Variants in MAPK8IP3 observed in about 807,000 individuals in gnomAD.
MAPK8IP3 encodes the protein mitogen-activated protein kinase 8 interacting protein 3.
Under a neutral mutation model 157.8 loss-of-function variants are expected in MAPK8IP3, and 49 were observed. That is an observed-to-expected ratio of 0.31 (90% confidence interval 0.25 to 0.39). The LOEUF is 0.39. Among genes scored for constraint, MAPK8IP3 ranks in the 10% least tolerant of loss-of-function variants. The pLI is 1.00. For synonymous variants in MAPK8IP3, 897 were observed against 777.7 expected (o/e 1.15, Z -2.55); for missense variants, 1,478 against 1,889.4 (o/e 0.78, Z 4.04).
intron 4 of MAPK8IP3, among the ~76,000 whole-genome samples, chr16:1,731,092 A>G (rs1027088599): frequency 9.9e-5 from 15 of 152,188 alleles, no homozygotes; most frequent in African/African-American, 3.6e-4. Context: ...GTGAGCTGAG[A>G]TCACGCCACA....
Position 1,729,495 on chromosome 16 carries a change from G to A in MAPK8IP3, c.519G>A (p.Gln173=). Residue 173 remains glutamine (Q), a synonymous_variant, in exon 4 of 32, where the codon CAG becomes CAA. Transcript: ENST00000610761. ...CGTTTCCCTCCTCGCAGATGATACA[G>A]ACCTACGTGGAGCACATTGAGAGGT... ...ALHQRHTEMI[Q]TYVEHIERSK... is the part of the protein sequence containing the mutation. 6.2e-7 allele frequency: 1 copy of A among 1,612,866 alleles called. No homozygotes were observed. The highest frequency in any genetic ancestry group is 8.5e-7 in the Non-Finnish European group (1 of 1,179,636).
chr16:1,758,368 C>G (rs1422171303), intron 9 of MAPK8IP3, among the ~76,000 whole-genome samples: 1 of 152,216 alleles, frequency 6.6e-6, no homozygotes, highest in African/African-American at 2.4e-5. Flanking sequence ...GATATCCAAC[C>G]CCCCCAGCCT....
chr16:1,762,464 G>T lies in MAPK8IP3; in HGVS notation c.1653G>T (p.Arg551=). 6.2e-7 allele frequency: 1 copy of T among 1,611,180 alleles called. No homozygotes were observed. The highest frequency in any genetic ancestry group is 1.1e-5 in the South Asian group (1 of 90,660). ...ERLMELQEAV[R]WTEMIRASRE... Reference sequence around the variant, plus strand: ...TGATGGAGCTGCAGGAGGCTGTGCGGTGGACTGAGATGATCAGGTGGGAGT... The same window carrying T: ...TGATGGAGCTGCAGGAGGCTGTGCGTTGGACTGAGATGATCAGGTGGGAGT... The change falls in exon 14 of 32, where the codon CGG becomes CGT. Residue 551 remains arginine, a synonymous_variant. Coordinates refer to ENST00000610761, the MANE Select transcript of MAPK8IP3 (RefSeq NM_001318852.2).
In MAPK8IP3 at chr16:1,757,383, C is replaced by T. The variant is rs531101153; in HGVS notation, c.1217-765C>T. 4.6e-5 allele frequency among the ~76,000 whole-genome samples: 7 copies of T among 152,300 alleles called. No homozygotes were observed. In the South Asian group the frequency reaches 8.3e-4, roughly 18 times the overall value. ...CCTCCTAAAGTGCTGGGATTACAGG[C>T]GTGAGCCACCACGCCCTGCTCAAGT... On this transcript the variant is annotated intron_variant, in intron 8 of 31. Transcript: ENST00000610761.
chr16:1,753,644 T>A (rs572473570), intron 8 of MAPK8IP3, among the ~76,000 whole-genome samples: 1 of 151,388 alleles, frequency 6.6e-6, no homozygotes, highest in Non-Finnish European at 1.5e-5. Context: ...GGTTTCACCA[T>A]GTTAGCCAGG....
chr16:1,740,414 A>G (rs1193415132), intron 4 of MAPK8IP3, among the ~76,000 whole-genome samples: 1 of 147,354 alleles, frequency 6.8e-6, no homozygotes. Flanking sequence ...GAGCGTGTGC[A>G]CACGCTGCTG....
intron 4 of MAPK8IP3, among the ~76,000 whole-genome samples, chr16:1,739,034 CCGTGTGAGCGTCCGTGTGAG>C (rs2040372785): frequency 1.6e-5 from 2 of 121,456 alleles, no homozygotes; most frequent in Admixed American, 8.8e-5. Context: ...GTGTGAGCGT[CCGTGTGAGCGTCCGTGTGAG>C]CGTGTGAGCG....
rs772536508 is a variant in MAPK8IP3 at position 1,742,844 on chromosome 16, C to T, written c.603-488C>T. ...TGTCTGTTTAAAATTGAACTTAGGC[C>T]GGGCGCGGTGGCTCACGCCTGTAAT... On this transcript the variant is annotated intron_variant, in intron 4 of 31. Transcript: ENST00000610761. The surrounding 1 kb of genome is among the most constrained non-coding windows in gnomAD (Gnocchi z 5.0). Among the ~76,000 whole-genome samples the T allele has an allele frequency of 4.6e-5, 7 of 152,116 alleles. No individual in the cohort carries two copies. Among genetic ancestry groups the T allele is most frequent in the East Asian group, 1.9e-4 (1 of 5,180 alleles).
At chr16:1,714,974 G>A (rs1447930975) in intron 1 of MAPK8IP3, among the ~76,000 whole-genome samples, 1 of 151,850 alleles carries the variant, frequency 6.6e-6, no homozygotes, top group Non-Finnish European at 1.5e-5. Flanking sequence ...TTGAGGTTTT[G>A]GTTTTATCTT....
At chr16:1,736,178 G>GCATC (rs2039780519) in intron 4 of MAPK8IP3, among the ~76,000 whole-genome samples, 1 of 125,528 alleles carries the variant, frequency 8.0e-6, no homozygotes. Flanking sequence ...GTCCGTGTGA[G>GCATC]CGTGTGACCG....
At chr16:1,748,804 A>G (rs1206499555) in intron 8 of MAPK8IP3, 84 bp downstream of exon 8, 2 of 1,238,422 alleles carry the variant, frequency 1.6e-6, no homozygotes, top group Middle Eastern at 1.9e-4. Flanking sequence ...ATGAAAGGAA[A>G]GTCCTCTGTC....
At position 1,766,394 on chromosome 16, in the gene MAPK8IP3, GC is replaced by G; in HGVS notation, c.2809del (p.Gln937SerfsTer63). On this transcript the variant is annotated frameshift_variant, in exon 22 of 32. Coordinates refer to ENST00000610761, the MANE Select transcript of MAPK8IP3 (RefSeq NM_001318852.2). LOFTEE classifies it high-confidence loss of function. The part of the protein sequence containing the change: ...FTDPAPTPSS[G>X]PQPGSENGPE... ...GACCCAGCCCCGACCCCGTCCTCTG[GC>G]CCCCAGCCTGGCAGGTGAGCTCTTG... 6.2e-7 allele frequency: 1 copy of G among 1,610,376 alleles called. No homozygotes were observed.
At chr16:1,740,293 C>T (rs1434062714) in intron 4 of MAPK8IP3, among the ~76,000 whole-genome samples, 5 of 148,702 alleles carry the variant, frequency 3.4e-5, no homozygotes, top group South Asian at 4.3e-4. Context: ...TCCGCATAAC[C>T]GTGTGAGCAT....
At chr16:1,739,305 CGT>C (rs1251364972) in intron 4 of MAPK8IP3, among the ~76,000 whole-genome samples, 2 of 121,838 alleles carry the variant, frequency 1.6e-5, no homozygotes, top group South Asian at 3.3e-4. Flanking sequence ...TGTGACCGTC[CGT>C]GTGAGTGTGT....
chr16:1,755,674 C>T (rs1045670264), intron 8 of MAPK8IP3, among the ~76,000 whole-genome samples: 1 of 151,766 alleles, frequency 6.6e-6, no homozygotes, highest in Non-Finnish European at 1.5e-5. Flanking sequence ...TGGTGAAACC[C>T]CATCTCTACT....
Position 1,706,352 on chromosome 16 carries a change from C to G in MAPK8IP3, c.13C>G (p.Gln5Glu), listed in dbSNP as rs773008143. Residue 5 changes from glutamine (Q) to glutamate (E), a missense_variant, in exon 1 of 32, where the codon CAG (glutamine) becomes GAG (glutamate). Physicochemically the swap from Gln to Glu is conservative, Grantham distance 29. Coordinates refer to ENST00000610761, the MANE Select transcript of MAPK8IP3 (RefSeq NM_001318852.2). The surrounding 1 kb of genome is among the most constrained non-coding windows in gnomAD (Gnocchi z 5.1). MMEI[Q>E]MDEGGGVVVY... ...GGCGGTGGCCGCGATGATGGAGATC[C>G]AGATGGACGAGGGCGGCGGCGTGGT... 7 of 1,591,090 alleles carry G rather than the reference C, an allele frequency of 4.4e-6. No homozygotes were observed. Among genetic ancestry groups the G allele is most frequent in the Non-Finnish European group, 4.3e-6 (5 of 1,169,870 alleles).
In MAPK8IP3 at chr16:1,720,216, A is replaced by G. The variant is rs564078428; in HGVS notation, c.319-4341A>G. On this transcript the variant is annotated intron_variant, in intron 1 of 31. Transcript: ENST00000610761. ...CGCCCAGCTGATTTTTTGTGTTTTT[A>G]GTAGAGATGGGGTTTCACCGTGTTG... Among the ~76,000 whole-genome samples the G allele has an allele frequency of 3.1e-3, 474 of 152,270 alleles. 4 individuals are homozygous for G. The highest frequency in any genetic ancestry group is 0.011 in the African/African-American group (454 of 41,548).
chr16:1,706,263 G>A lies in MAPK8IP3; in HGVS notation c.-77G>A, dbSNP rs2037378635. 1 of 1,347,072 alleles carries A rather than the reference G, an allele frequency of 7.4e-7. No homozygotes were observed. Among genetic ancestry groups the A allele is most frequent in the African/African-American group, 1.5e-5 (1 of 65,164 alleles). The allele number at this position is 1,347,072 out of a possible 1,614,324, so 83.4% of individuals were successfully genotyped here. On this transcript the variant is annotated 5_prime_UTR_variant, in exon 1 of 32. Coordinates refer to ENST00000610761, the MANE Select transcript of MAPK8IP3 (RefSeq NM_001318852.2). The surrounding 1 kb of genome is among the most constrained non-coding windows in gnomAD (Gnocchi z 5.1). Reference sequence around the variant, plus strand: ...TGCGGGAGGCGACGGGCTGCGGCCTGCGGAACCTGAGGCAGCTGGGGAGGG... The same window carrying A: ...TGCGGGAGGCGACGGGCTGCGGCCTACGGAACCTGAGGCAGCTGGGGAGGG...
chr16:1,767,556 C>T lies in MAPK8IP3; in HGVS notation c.3238-8C>T, dbSNP rs1353091132. ...CAGCCCTGTTGATGGGCAGCCATGA[C>T]TCCACAGAAGTCATTTGACGCCCAC... On this transcript the variant is annotated splice_polypyrimidine_tract_variant and splice_region_variant and intron_variant, in intron 26 of 31. Transcript: ENST00000610761. 6.2e-7 allele frequency: 1 copy of T among 1,609,836 alleles called. No homozygotes were observed. The highest frequency in any genetic ancestry group is 8.5e-7 in the Non-Finnish European group (1 of 1,178,398).
Sources: allele counts gnomAD v4.1 joint callset (sites outside exome capture counted in the v4.1 genomes callset), GRCh38; gene constraint gnomAD v4.1.1; non-coding constraint Gnocchi (gnomAD v3.1); transcripts MANE v1.5; gene names NCBI Gene and HGNC (gene_info 2026-07-23, HGNC 2026-07-21).